TRDN: variants seen among roughly 807,000 people sequenced by gnomAD.
TRDN encodes triadin in skeletal muscle.
TRDN carries 161 observed loss-of-function variants against 149.7 expected under a neutral mutation model. That is an observed-to-expected ratio of 1.08 (90% CI 0.95 to 1.23). TRDN has a LOEUF of 1.23. Among genes scored for constraint, TRDN ranks in the 50% most tolerant of loss-of-function variants. The probability of loss-of-function intolerance (pLI) is 0.00; values close to 1 mark genes in which losing one functional copy is unlikely to be tolerated. For synonymous variants in TRDN, 294 were observed against 250.5 expected (o/e 1.17, Z -1.64); for missense variants, 896 against 823.5 (o/e 1.09, Z -1.08).
intron 9 of TRDN, among the ~76,000 whole-genome samples, chr6:123,473,190 CT>C (rs1479787438): frequency 2.6e-5 from 4 of 151,920 alleles, no homozygotes; most frequent in African/African-American, 9.7e-5. Flanking sequence ...AAGTTGAAAA[CT>C]TTGAAAAAAA....
chr6:123,421,788 G>C (rs1419504249), intron 12 of TRDN: 1 of 116,474 alleles, frequency 8.6e-6, no homozygotes, highest in Non-Finnish European at 1.7e-5. Flanking sequence ...GGTCAACAGA[G>C]TGAGACCCTT....
At chr6:123,498,803 G>T (rs1036719926) in intron 8 of TRDN, among the ~76,000 whole-genome samples, 1 of 152,188 alleles carries the variant, frequency 6.6e-6, no homozygotes, top group African/African-American at 2.4e-5. Context: ...TTTGAAGTCA[G>T]ACCAGTGTGG....
intron 8 of TRDN, among the ~76,000 whole-genome samples, chr6:123,499,719 A>AAAAAAAAAAATATATATATAT: frequency 2.1e-5 from 1 of 47,682 alleles, no homozygotes; most frequent in African/African-American, 7.1e-5. Flanking sequence ...AAAAAAAAAA[A>AAAAAAAAAAATATATATATAT]ATATATATAT....
intron 12 of TRDN, among the ~76,000 whole-genome samples, chr6:123,401,081 G>A (rs1772949475): frequency 6.6e-6 from 1 of 152,174 alleles, no homozygotes; most frequent in African/African-American, 2.4e-5. Context: ...CATATTATAT[G>A]CCTGACAATT....
rs187006646 is a variant in TRDN at position 123,613,609 on chromosome 6, C to T, written c.22+23145G>A. 3.3e-4 allele frequency among the ~76,000 whole-genome samples: 50 copies of T among 152,146 alleles called. 1 individual carries two copies. The East Asian group carries it at 9.5e-3, about 29-fold the overall frequency. ...CAGAAGTGTCAAACCTAATACAAGA[C>T]ACCAGATGATATTCAGTAAATATAA... On this transcript the variant is annotated intron_variant, in intron 1 of 40. Coordinates refer to ENST00000334268, the MANE Select transcript of TRDN (RefSeq NM_006073.4).
chr6:123,379,389 G>A (rs997825829), intron 16 of TRDN, among the ~76,000 whole-genome samples: 6 of 152,134 alleles, frequency 3.9e-5, no homozygotes, highest in Non-Finnish European at 5.9e-5. Flanking sequence ...AAGCTATGAC[G>A]ATTTAGCTAA....
intron 10 of TRDN, chr6:123,457,636 A>G: frequency 2.3e-6 from 1 of 426,308 alleles, no homozygotes; most frequent in South Asian, 1.8e-5. Context: ...ACAGTTATTA[A>G]TACTTACCTA....
At chr6:123,314,355 G>A (rs1305149930) in intron 24 of TRDN, among the ~76,000 whole-genome samples, 2 of 152,078 alleles carry the variant, frequency 1.3e-5, no homozygotes, top group South Asian at 2.1e-4. Flanking sequence ...AACAGATACC[G>A]ATGAGGTTGT....
At chr6:123,493,092 G>A (rs546861364) in intron 9 of TRDN, among the ~76,000 whole-genome samples, 39 of 152,146 alleles carry the variant, frequency 2.6e-4, no homozygotes, top group African/African-American at 9.2e-4. Context: ...GGAGATCTTC[G>A]GTGTTCATAA....
chr6:123,571,137 T>C lies in TRDN; in HGVS notation c.23-5A>G. On this transcript the variant is annotated splice_polypyrimidine_tract_variant and splice_region_variant and intron_variant, in intron 1 of 40. Coordinates refer to ENST00000334268, the MANE Select transcript of TRDN (RefSeq NM_006073.4). ...TTGTGGTTGTAGATGCATTTCCTAA[T>C]CAAACATTCAGAAAGGAAAATATAA... 6.2e-7 allele frequency: 1 copy of C among 1,613,546 alleles called. No homozygotes were observed. Among genetic ancestry groups the C allele is most frequent in the Non-Finnish European group, 8.5e-7 (1 of 1,179,616 alleles).
At chr6:123,528,988 T>C in intron 5 of TRDN, 1 of 1,274,344 alleles carries the variant, frequency 7.8e-7, no homozygotes, top group Non-Finnish European at 1.0e-6. Flanking sequence ...TCAGCCAAAT[T>C]CACTGTCTTA....
chr6:123,331,337 T>C (rs979667879), intron 23 of TRDN, among the ~76,000 whole-genome samples: 2 of 152,084 alleles, frequency 1.3e-5, no homozygotes, highest in East Asian at 1.9e-4. Flanking sequence ...ATTTAGGAGA[T>C]TGAAGTTCTA....
At chr6:123,349,836 A>C (rs1780388780) in intron 21 of TRDN, 1 of 985,268 alleles carries the variant, frequency 1.0e-6, no homozygotes, top group Non-Finnish European at 1.2e-6. Flanking sequence ...GAATCTGATA[A>C]GGTGGATGAG....
intron 4 of TRDN, among the ~76,000 whole-genome samples, chr6:123,534,241 G>A (rs539989462): frequency 6.6e-6 from 1 of 152,256 alleles, no homozygotes; most frequent in East Asian, 1.9e-4. Flanking sequence ...ACAGAGGCAA[G>A]CATGGCAAAA....
intron 9 of TRDN, among the ~76,000 whole-genome samples, chr6:123,473,313 C>A (rs1212546181): frequency 2.6e-5 from 4 of 152,060 alleles, no homozygotes; most frequent in Admixed American, 2.6e-4. Context: ...GCCTCAGGAG[C>A]CGATGCGATC....
intron 35 of TRDN, among the ~76,000 whole-genome samples, chr6:123,258,756 C>T (rs760104609): frequency 5.9e-5 from 9 of 152,062 alleles, no homozygotes; most frequent in Non-Finnish European, 1.0e-4. Flanking sequence ...TCTGTGAATC[C>T]GTCTGGTCCT....
chr6:123,469,848 G>A (rs1203255110), intron 9 of TRDN: 1 of 152,304 alleles, frequency 6.6e-6, no homozygotes, highest in Non-Finnish European at 1.5e-5. Flanking sequence ...AAGGAAGAAA[G>A]AAAGAAAACA....
intron 5 of TRDN, among the ~76,000 whole-genome samples, chr6:123,524,362 T>G (rs941151913): frequency 3.4e-5 from 5 of 146,098 alleles, no homozygotes; most frequent in East Asian, 2.0e-4. Context: ...ACTTTCAGCC[T>G]TTTCAAATAT....
At chr6:123,474,954 A>G (rs548170330) in intron 9 of TRDN, among the ~76,000 whole-genome samples, 3 of 152,334 alleles carry the variant, frequency 2.0e-5, no homozygotes, top group African/African-American at 7.2e-5. Context: ...AAGAGAAAGC[A>G]GGAAAGATCC....
Sources: allele counts gnomAD v4.1 joint callset (sites outside exome capture counted in the v4.1 genomes callset), GRCh38; gene constraint gnomAD v4.1.1; transcripts MANE v1.5; gene names NCBI Gene and HGNC (gene_info 2026-07-23, HGNC 2026-07-21).